Variants in CLDN9 observed in about 807,000 individuals in gnomAD.
CLDN9 encodes the protein claudin-9.
In CLDN9, 14 loss-of-function variants were observed where a neutral mutation model predicts 10.1. The observed-to-expected ratio is 1.38, with a 90% CI of 0.91 to 2.16. CLDN9 has a LOEUF of 2.16. Ranked by LOEUF, CLDN9 falls within the 30% of genes most tolerant of loss-of-function variation. CLDN9 has a pLI of 0.00. For missense variants in CLDN9, 332 were observed against 294.8 expected (o/e 1.13, Z -0.93); for synonymous variants, 162 against 143.1 (o/e 1.13, Z -0.95).
At position 3,014,131 on chromosome 16, in the gene CLDN9, T is replaced by TTTTAATGATACGGCGA; in HGVS notation, c.*115_*116insTTTAATGATACGGCGA. On this transcript the variant is annotated 3_prime_UTR_variant, in exon 1 of 1. Coordinates refer to ENST00000445369, the MANE Select transcript of CLDN9 (RefSeq NM_020982.4). Reference sequence around the variant, plus strand: ...CCTCCTTCCCCAGGAAAACCCACTTTCCAAAAGCCCAAGCTACACCTGGCT... The same window carrying TTTTAATGATACGGCGA: ...CCTCCTTCCCCAGGAAAACCCACTTTTTTAATGATACGGCGACCAAAAGCCCAAGCTACACCTGGCT... 9.9e-6 allele frequency: 12 copies of TTTTAATGATACGGCGA among 1,208,454 alleles called. No individual in the cohort carries two copies. Among genetic ancestry groups the TTTTAATGATACGGCGA allele is most frequent in the East Asian group, 7.6e-5 (3 of 39,624 alleles). 74.9% of individuals were successfully genotyped at this position (1,208,454 alleles called of 1,614,324 possible).
Position 3,014,024 on chromosome 16 carries a change from GT to G in CLDN9, c.*11del. ...AAGAGGGACTACGTGTGAGGCGGAG[GT>G]TTCCCCTGGGAGCCCACTGCTCCCC... On this transcript the variant is annotated 3_prime_UTR_variant, in exon 1 of 1. Coordinates refer to ENST00000445369, the MANE Select transcript of CLDN9 (RefSeq NM_020982.4). The G allele has an allele frequency of 6.6e-7, 1 of 1,512,114 alleles. No individual in the cohort carries two copies. The highest frequency in any genetic ancestry group is 8.8e-7 in the Non-Finnish European group (1 of 1,131,226). The allele number at this position is 1,512,114 out of a possible 1,614,324, so 93.7% of individuals were successfully genotyped here.
In CLDN9 at chr16:3,013,129, C is replaced by G; in HGVS notation, c.-234C>G. On this transcript the variant is annotated 5_prime_UTR_variant, in exon 1 of 1. Coordinates refer to ENST00000445369, the MANE Select transcript of CLDN9 (RefSeq NM_020982.4). This position sits in a 1 kb window ranked among gnomAD's most constrained non-coding sequence, Gnocchi z 6.4. ...AGGTGACACCCACCACTCAGCCGAG[C>G]GGGACTACGAGTCTGCTTTGTGCTC... The G allele has an allele frequency of 1.8e-6, 1 of 564,604 alleles. No homozygotes were observed. The allele number at this position is 564,604 out of a possible 1,614,324, so 35.0% of individuals were successfully genotyped here.
Position 3,013,306 on chromosome 16 carries a change from A to G in CLDN9, c.-57A>G, listed in dbSNP as rs749037254. On this transcript the variant is annotated 5_prime_UTR_variant, in exon 1 of 1. Coordinates refer to ENST00000445369, the MANE Select transcript of CLDN9 (RefSeq NM_020982.4). This position sits in a 1 kb window ranked among gnomAD's most constrained non-coding sequence, Gnocchi z 6.4. Reference sequence around the variant, plus strand: ...GAGACACCCACCCAGCACACCAGACACACCCTCTGAGTCACCTAGGCCGCC... The same window carrying G: ...GAGACACCCACCCAGCACACCAGACGCACCCTCTGAGTCACCTAGGCCGCC... The G allele has an allele frequency of 6.5e-6, 10 of 1,541,746 alleles. No homozygotes were observed. Among genetic ancestry groups the G allele is most frequent in the Admixed American group, 1.8e-5 (1 of 55,418 alleles).
chr16:3,014,047 C>G lies in CLDN9; in HGVS notation c.*31C>G, dbSNP rs769414026. Reference sequence around the variant, plus strand: ...AGGTTTCCCCTGGGAGCCCACTGCTCCCCACTGCCCCGCCCTTTCGACCTT... The same window carrying G: ...AGGTTTCCCCTGGGAGCCCACTGCTGCCCACTGCCCCGCCCTTTCGACCTT... On this transcript the variant is annotated 3_prime_UTR_variant, in exon 1 of 1. Coordinates refer to ENST00000445369, the MANE Select transcript of CLDN9 (RefSeq NM_020982.4). The G allele has an allele frequency of 4.6e-6, 7 of 1,509,384 alleles. No individual in the cohort carries two copies. In the South Asian group the frequency reaches 5.4e-5, roughly 12 times the overall value. The allele number at this position is 1,509,384 out of a possible 1,614,324, so 93.5% of individuals were successfully genotyped here.
At position 3,014,060 on chromosome 16, in the gene CLDN9, C is replaced by T. The variant is rs773968742; in HGVS notation, c.*44C>T. On this transcript the variant is annotated 3_prime_UTR_variant, in exon 1 of 1. Coordinates refer to ENST00000445369, the MANE Select transcript of CLDN9 (RefSeq NM_020982.4). ...GAGCCCACTGCTCCCCACTGCCCCG[C>T]CCTTTCGACCTTGGCCTGATGACCA... 7.2e-5 allele frequency: 108 copies of T among 1,503,474 alleles called. No individual in the cohort carries two copies. In the South Asian group the frequency reaches 1.1e-3, roughly 15 times the overall value. The allele number at this position is 1,503,474 out of a possible 1,614,324, so 93.1% of individuals were successfully genotyped here.
In CLDN9 at chr16:3,013,258, C is replaced by A. The variant is rs2072539964; in HGVS notation, c.-105C>A. ...GGCCTGGCTTGGGGACACCAACAAGCCTTCCCCCTCCTGCTGGACACAGAG... is the reference window on the plus strand; with the variant it reads ...GGCCTGGCTTGGGGACACCAACAAGACTTCCCCCTCCTGCTGGACACAGAG... On this transcript the variant is annotated 5_prime_UTR_variant, in exon 1 of 1. Transcript: ENST00000445369. The surrounding 1 kb of genome is among the most constrained non-coding windows in gnomAD (Gnocchi z 6.4). The A allele has an allele frequency of 2.2e-6, 3 of 1,345,016 alleles. No homozygotes were observed. Among genetic ancestry groups the A allele is most frequent in the Admixed American group, 2.4e-5 (1 of 42,060 alleles). The allele number at this position is 1,345,016 out of a possible 1,614,324, so 83.3% of individuals were successfully genotyped here.
chr16:3,013,302 A>G lies in CLDN9; in HGVS notation c.-61A>G. On this transcript the variant is annotated 5_prime_UTR_variant, in exon 1 of 1. Transcript: ENST00000445369. The surrounding 1 kb of genome is among the most constrained non-coding windows in gnomAD (Gnocchi z 6.4). ...CACAGAGACACCCACCCAGCACACC[A>G]GACACACCCTCTGAGTCACCTAGGC... 6.5e-7 allele frequency: 1 copy of G among 1,532,860 alleles called. No homozygotes were observed. The highest frequency in any genetic ancestry group is 1.2e-5 in the South Asian group (1 of 80,558). The allele number at this position is 1,532,860 out of a possible 1,614,324, so 95.0% of individuals were successfully genotyped here. A position where few individuals can be genotyped will look rare whatever the true frequency, so the allele number is the denominator to read the frequency against.
Position 3,013,952 on chromosome 16 carries a change from G to A in CLDN9, c.590G>A (p.Arg197Gln), listed in dbSNP as rs748433830. 3.1e-5 allele frequency: 49 copies of A among 1,563,076 alleles called. 1 individual carries two copies. Among genetic ancestry groups the A allele is most frequent in the East Asian group, 9.0e-5 (4 of 44,478 alleles). Residue 197 changes from arginine to glutamine, a missense_variant, in exon 1 of 1, where the codon CGG becomes CAG. By Grantham distance (43) the Arg-to-Gln change is conservative. Coordinates refer to ENST00000445369, the MANE Select transcript of CLDN9 (RefSeq NM_020982.4). This position sits in a 1 kb window ranked among gnomAD's most constrained non-coding sequence, Gnocchi z 6.4. ...CAGGTCGAGCGGCCCCGCGGACCTC[G>A]GCTGGGCTACTCCATCCCCTCCCGC... is the stretch of plus-strand genomic sequence containing the variant. ...PPQVERPRGP[R>Q]LGYSIPSRSG... is the part of the protein sequence containing the mutation.
chr16:3,014,196 T>A lies in CLDN9; in HGVS notation c.*180T>A. On this transcript the variant is annotated 3_prime_UTR_variant, in exon 1 of 1. Coordinates refer to ENST00000445369, the MANE Select transcript of CLDN9 (RefSeq NM_020982.4). ...GCTGGCCTGGCTGAGCTCTTCTCAGTGGGGTCCCCTTTGATGTTCTCCCCC... is the reference window on the plus strand; with the variant it reads ...GCTGGCCTGGCTGAGCTCTTCTCAGAGGGGTCCCCTTTGATGTTCTCCCCC... 1.5e-6 allele frequency: 1 copy of A among 665,538 alleles called. No individual in the cohort carries two copies. Among genetic ancestry groups the A allele is most frequent in the Non-Finnish European group, 2.4e-6 (1 of 408,182 alleles). The allele number at this position is 665,538 out of a possible 1,614,324, so 41.2% of individuals were successfully genotyped here.
In CLDN9 at chr16:3,013,102, CGAG is replaced by C. The variant is rs2072538698; in HGVS notation, c.-259_-257del. 5.8e-6 allele frequency: 3 copies of C among 516,210 alleles called. No homozygotes were observed. The highest frequency in any genetic ancestry group is 3.8e-5 in the African/African-American group (2 of 52,358). The allele number at this position is 516,210 out of a possible 1,614,324, so 32.0% of individuals were successfully genotyped here. ...GGGCATCCGATGGGCGGAGGCCCCT[CGAG>C]GTGACACCCACCACTCAGCCGAGCG... On this transcript the variant is annotated 5_prime_UTR_variant, in exon 1 of 1. Coordinates refer to ENST00000445369, the MANE Select transcript of CLDN9 (RefSeq NM_020982.4). This position sits in a 1 kb window ranked among gnomAD's most constrained non-coding sequence, Gnocchi z 6.4.
rs558908534 is a variant in CLDN9, at chr16:3,014,424, T to C, written c.*408T>C. On this transcript the variant is annotated 3_prime_UTR_variant, in exon 1 of 1. Coordinates refer to ENST00000445369, the MANE Select transcript of CLDN9 (RefSeq NM_020982.4). ...AGACCATGCCCTCCCAACCCTGGAG[T>C]TGTCAGGGAGGGCCTGCCCATCACC... The C allele has an allele frequency of 1.7e-3, 294 of 177,774 alleles. 2 individuals carry two copies. The highest frequency in any genetic ancestry group is 6.7e-3 in the African/African-American group (280 of 41,878). The allele number at this position is 177,774 out of a possible 1,614,324, so 11.0% of individuals were successfully genotyped here. A position where few individuals can be genotyped will look rare whatever the true frequency, so the allele number is the denominator to read the frequency against.
In CLDN9 at chr16:3,013,762, ATCCCTGTGTGCTGG is replaced by A; in HGVS notation, c.401_414del (p.Ile134AsnfsTer16). On this transcript the variant is annotated frameshift_variant, in exon 1 of 1. Transcript: ENST00000445369. LOFTEE classifies it high-confidence loss of function. This position sits in a 1 kb window ranked among gnomAD's most constrained non-coding sequence, Gnocchi z 6.4. The stretch of plus-strand genomic sequence containing the variant: ...CCTCCTCGCCGGCATCCTGGTGCTC[ATCCCTGTGTGCTGG>A]ACGGCGCACGCCATCATCCAGGACT... 6.2e-7 allele frequency: 1 copy of A among 1,613,392 alleles called. No homozygotes were observed. Among genetic ancestry groups the A allele is most frequent in the Admixed American group, 1.7e-5 (1 of 60,018 alleles).
At position 3,014,400 on chromosome 16, in the gene CLDN9, G is replaced by A; in HGVS notation, c.*384G>A. 1 of 191,824 alleles carries A rather than the reference G, an allele frequency of 5.2e-6. No individual in the cohort carries two copies. Among genetic ancestry groups the A allele is most frequent in the Admixed American group, 6.1e-5 (1 of 16,398 alleles). The allele number at this position is 191,824 out of a possible 1,614,324, so 11.9% of individuals were successfully genotyped here. A position where few individuals can be genotyped will look rare whatever the true frequency, so the allele number is the denominator to read the frequency against. On this transcript the variant is annotated 3_prime_UTR_variant, in exon 1 of 1. Transcript: ENST00000445369. ...TCGTTGGCTCCAAAACCAGGGAGCA[G>A]ACCATGCCCTCCCAACCCTGGAGTT...
chr16:3,014,332 T>C lies in CLDN9; in HGVS notation c.*316T>C. On this transcript the variant is annotated 3_prime_UTR_variant, in exon 1 of 1. Coordinates refer to ENST00000445369, the MANE Select transcript of CLDN9 (RefSeq NM_020982.4). ...CTGGCCTTCCTTCTCTTCTGAGCCC[T>C]CCCCTGCCCCAGGAACCCTGGCCTC... The C allele has an allele frequency of 7.4e-6, 2 of 268,530 alleles. No homozygotes were observed. Among genetic ancestry groups the C allele is most frequent in the Non-Finnish European group, 7.5e-6 (1 of 133,688 alleles). 16.6% of individuals were successfully genotyped at this position (268,530 alleles called of 1,614,324 possible).
In CLDN9 at chr16:3,013,486, G is replaced by C. The variant is rs772812332; in HGVS notation, c.124G>C (p.Val42Leu). 103 of 1,613,886 alleles carry C rather than the reference G, an allele frequency of 6.4e-5. No individual in the cohort carries two copies. Among genetic ancestry groups the C allele is most frequent in the Non-Finnish European group, 8.5e-5 (100 of 1,180,018 alleles). ...VTAFIGNSIV[V>L]AQVVWEGLWM... ...CGCCTTCATCGGCAACAGCATCGTGGTGGCCCAGGTGGTGTGGGAGGGCCT... is the reference window on the plus strand; with the variant it reads ...CGCCTTCATCGGCAACAGCATCGTGCTGGCCCAGGTGGTGTGGGAGGGCCT... The change falls in exon 1 of 1, where the codon GTG (valine) becomes CTG (leucine). Residue 42 changes from valine (V) to leucine (L), a missense_variant. Val to Leu is a conservative substitution (Grantham distance 32). Transcript: ENST00000445369. This position sits in a 1 kb window ranked among gnomAD's most constrained non-coding sequence, Gnocchi z 6.4.
Position 3,013,273 on chromosome 16 carries a change from T to G in CLDN9, c.-90T>G, listed in dbSNP as rs60420127. ...CACCAACAAGCCTTCCCCCTCCTGC[T>G]GGACACAGAGACACCCACCCAGCAC... On this transcript the variant is annotated 5_prime_UTR_variant, in exon 1 of 1. Transcript: ENST00000445369. This position sits in a 1 kb window ranked among gnomAD's most constrained non-coding sequence, Gnocchi z 6.4. 3,161 of 1,434,446 alleles carry G rather than the reference T, an allele frequency of 2.2e-3. 46 individuals carry two copies. In the African/African-American group the frequency reaches 0.033, roughly 15 times the overall value. 88.9% of individuals were successfully genotyped at this position (1,434,446 alleles called of 1,614,324 possible).
At position 3,013,953 on chromosome 16, in the gene CLDN9, G is replaced by C. The variant is rs1008648622; in HGVS notation, c.591G>C (p.Arg197=). ...PPQVERPRGP[R]LGYSIPSRSG... ...AGGTCGAGCGGCCCCGCGGACCTCG[G>C]CTGGGCTACTCCATCCCCTCCCGCT... Residue 197 remains arginine, a synonymous_variant, in exon 1 of 1, where the codon CGG becomes CGC. Coordinates refer to ENST00000445369, the MANE Select transcript of CLDN9 (RefSeq NM_020982.4). The surrounding 1 kb of genome is among the most constrained non-coding windows in gnomAD (Gnocchi z 6.4). 4 of 1,562,668 alleles carry C rather than the reference G, an allele frequency of 2.6e-6. No homozygotes were observed. The East Asian group carries it at 9.0e-5, about 35-fold the overall frequency.
Position 3,013,092 on chromosome 16 carries a change from G to A in CLDN9, c.-271G>A, listed in dbSNP as rs1157058917. The A allele has an allele frequency of 1.2e-5, 6 of 495,402 alleles. No individual in the cohort carries two copies. Among genetic ancestry groups the A allele is most frequent in the East Asian group, 3.4e-5 (1 of 29,022 alleles). The allele number at this position is 495,402 out of a possible 1,614,324, so 30.7% of individuals were successfully genotyped here. ...AGCACCCTCAGGGCATCCGATGGGC[G>A]GAGGCCCCTCGAGGTGACACCCACC... On this transcript the variant is annotated 5_prime_UTR_variant, in exon 1 of 1. Transcript: ENST00000445369. This position sits in a 1 kb window ranked among gnomAD's most constrained non-coding sequence, Gnocchi z 6.4.
At position 3,013,070 on chromosome 16, in the gene CLDN9, A is replaced by T; in HGVS notation, c.-293A>T. The T allele has an allele frequency of 2.4e-6, 1 of 423,716 alleles. No individual in the cohort carries two copies. Among genetic ancestry groups the T allele is most frequent in the East Asian group, 4.3e-5 (1 of 23,302 alleles). 26.2% of individuals were successfully genotyped at this position (423,716 alleles called of 1,614,324 possible). On this transcript the variant is annotated 5_prime_UTR_variant, in exon 1 of 1. Transcript: ENST00000445369. This position sits in a 1 kb window ranked among gnomAD's most constrained non-coding sequence, Gnocchi z 6.4. The stretch of plus-strand genomic sequence containing the variant: ...ACAGCGGGGTGGTAAGAGCAGCAGC[A>T]CCCTCAGGGCATCCGATGGGCGGAG...
Sources: allele counts gnomAD v4.1 joint callset, GRCh38; gene constraint gnomAD v4.1.1; non-coding constraint Gnocchi (gnomAD v3.1); transcripts MANE v1.5; gene names NCBI Gene and HGNC (gene_info 2026-07-23, HGNC 2026-07-21).